Variants in RSPRY1 observed in about 807,000 individuals in gnomAD.
The protein encoded by RSPRY1 is RING finger and SPRY domain-containing protein 1.
In RSPRY1, 23 loss-of-function variants were observed where a neutral mutation model predicts 73.1. The ratio of observed to expected loss-of-function variants is 0.31; its 90% CI spans 0.23 to 0.45. RSPRY1 has a LOEUF of 0.45. Among genes scored for constraint, RSPRY1 ranks in the 20% least tolerant of loss-of-function variants. The pLI is 1.00. For synonymous variants in RSPRY1, 226 were observed against 251.4 expected (o/e 0.90, Z 0.95); for missense variants, 448 against 698.7 (o/e 0.64, Z 4.05).
chr16:57,215,699 G>C (rs1376898700), intron 6 of RSPRY1, among the ~76,000 whole-genome samples: 1 of 152,016 alleles, frequency 6.6e-6, no homozygotes, highest in South Asian at 2.1e-4. Context: ...AGTGATAAGT[G>C]GTTCTTTTTA....
chr16:57,186,221 C>G, upstream of RSPRY1: 1 of 971,964 alleles, frequency 1.0e-6, no homozygotes, highest in Non-Finnish European at 1.2e-6. Context: ...GATCACGTGA[C>G]ACGATTTTTG....
At position 57,227,380 on chromosome 16, in the gene RSPRY1, G is replaced by A. The variant is rs759791177; in HGVS notation, c.1200G>A (p.Ala400=). 20 of 1,613,986 alleles carry A rather than the reference G, an allele frequency of 1.2e-5. No individual in the cohort carries two copies. Among genetic ancestry groups the A allele is most frequent in the South Asian group, 9.9e-5 (9 of 91,080 alleles). Residue 400 remains alanine, a synonymous_variant, in exon 11 of 15, where the codon GCG becomes GCA. Coordinates refer to ENST00000394420, the MANE Select transcript of RSPRY1 (RefSeq NM_133368.3). ...TTGGGGATGATGAATACTCCTGTGC[G>A]TATGATGGCTGCCGGCAGCTGATTT... ...YGIGDDEYSC[A]YDGCRQLIWY...
intron 1 of RSPRY1, among the ~76,000 whole-genome samples, chr16:57,199,461 C>T (rs1239687391): frequency 6.6e-6 from 1 of 152,098 alleles, no homozygotes. Flanking sequence ...CATTGCACTC[C>T]AGCCTGGGTG....
chr16:57,228,014 A>G (rs1266716982), intron 11 of RSPRY1, among the ~76,000 whole-genome samples: 4 of 152,180 alleles, frequency 2.6e-5, no homozygotes. Flanking sequence ...ATTTTTAGGC[A>G]TGCTAAGAAA....
rs1213273546 is a variant in RSPRY1, at chr16:57,218,775, G to A, written c.901+1740G>A. 3.0e-5 allele frequency among the ~76,000 whole-genome samples: 3 copies of A among 99,090 alleles called. 1 individual carries two copies. Among genetic ancestry groups the A allele is most frequent in the Non-Finnish European group, 5.3e-5 (3 of 56,864 alleles). The allele number at this position is 99,090 out of a possible 152,430, so 65.0% of individuals were successfully genotyped here. On this transcript the variant is annotated intron_variant, in intron 8 of 14. Transcript: ENST00000394420. Reference sequence around the variant, plus strand: ...TTTTGAGACGGAGTCTCGCTCTGTCGCCCAGGCTGGAGTGCAGTGGCGGGA... The same window carrying A: ...TTTTGAGACGGAGTCTCGCTCTGTCACCCAGGCTGGAGTGCAGTGGCGGGA...
At chr16:57,222,142 T>A (rs2075047414) in intron 10 of RSPRY1, among the ~76,000 whole-genome samples, 1 of 152,228 alleles carries the variant, frequency 6.6e-6, no homozygotes, top group Non-Finnish European at 1.5e-5. Flanking sequence ...CTTGGATTAT[T>A]TTGTTAATCT....
At position 57,239,503 on chromosome 16, in the gene RSPRY1, CAG is replaced by C. The variant is rs2146413601; in HGVS notation, c.*532_*533del. On this transcript the variant is annotated 3_prime_UTR_variant, in exon 15 of 15. Transcript: ENST00000394420. Reference sequence around the variant, plus strand: ...CACACAGTCAGTACTACAAGCAAAACAGAGAACCTGAAAGAAGGTGCACAGAC... The same window carrying C: ...CACACAGTCAGTACTACAAGCAAAACAGAACCTGAAAGAAGGTGCACAGAC... 6.6e-6 allele frequency: 1 copy of C among 152,224 alleles called. No individual in the cohort carries two copies. Among genetic ancestry groups the C allele is most frequent in the East Asian group, 1.9e-4 (1 of 5,194 alleles). The allele number at this position is 152,224 out of a possible 1,614,324, so 9.4% of individuals were successfully genotyped here.
At chr16:57,231,028 G>T in intron 12 of RSPRY1, 139 bp from the exon 13 acceptor site, 1 of 814,566 alleles carries the variant, frequency 1.2e-6, no homozygotes, top group Non-Finnish European at 1.9e-6. Context: ...ACCTGTGTGG[G>T]TTATAAACAC....
At chr16:57,190,551 T>C (rs1259829590) in intron 1 of RSPRY1, among the ~76,000 whole-genome samples, 1 of 152,258 alleles carries the variant, frequency 6.6e-6, no homozygotes, top group South Asian at 2.1e-4. Flanking sequence ...TTCAAGCTTT[T>C]GGCATTTTCA....
chr16:57,208,842 G>GCTTAAC lies in RSPRY1; in HGVS notation c.404-229_404-224dup, dbSNP rs2074780589. Among the ~76,000 whole-genome samples the GCTTAAC allele has an allele frequency of 3.3e-5, 5 of 152,270 alleles. No individual in the cohort carries two copies. In the South Asian group the frequency reaches 1.0e-3, roughly 32 times the overall value. On this transcript the variant is annotated intron_variant, in intron 3 of 14. Coordinates refer to ENST00000394420, the MANE Select transcript of RSPRY1 (RefSeq NM_133368.3). ...TTTAATGTGAGAGCACAAGACCATA[G>GCTTAAC]CTTAACCTTTTTCCAAATAAAGGTA...
Position 57,231,117 on chromosome 16 carries a change from A to C in RSPRY1, c.1377-50A>C, listed in dbSNP as rs376539391. On this transcript the variant is annotated intron_variant, in intron 12 of 14. Coordinates refer to ENST00000394420, the MANE Select transcript of RSPRY1 (RefSeq NM_133368.3). The stretch of plus-strand genomic sequence containing the variant: ...GAAAACTGTTCTATCTATTAACTCT[A>C]TTTTGATTTTTATTAATTCTATTGG... 5.8e-6 allele frequency: 9 copies of C among 1,551,820 alleles called. No individual in the cohort carries two copies. The African/African-American group carries it at 1.2e-4, about 21-fold the overall frequency.
At chr16:57,235,268 T>A in intron 14 of RSPRY1, 40 bp downstream of exon 14, 1 of 1,405,144 alleles carries the variant, frequency 7.1e-7, no homozygotes, top group Non-Finnish European at 1.0e-6. Context: ...ATACTGTTCT[T>A]AAATTGCTAG....
chr16:57,216,017 C>A, intron 6 of RSPRY1, 90 bp from the exon 7 acceptor site: 1 of 955,954 alleles, frequency 1.0e-6, no homozygotes, highest in Non-Finnish European at 1.6e-6. Context: ...ACATCTAGCA[C>A]ATATTGGGCA....
At chr16:57,208,634 A>G (rs554615686) in intron 3 of RSPRY1, among the ~76,000 whole-genome samples, 3 of 152,088 alleles carry the variant, frequency 2.0e-5, no homozygotes, top group Non-Finnish European at 4.4e-5. Flanking sequence ...TCCTGGGCTC[A>G]AGGGATCCTC....
At chr16:57,209,015 C>A in intron 3 of RSPRY1, 60 bp from the exon 4 acceptor site, 1 of 1,119,378 alleles carries the variant, frequency 8.9e-7, no homozygotes, top group South Asian at 1.4e-5. Flanking sequence ...TCTCGTGTGA[C>A]ATATTTTCAC....
chr16:57,201,302 G>A (rs1198547613), intron 1 of RSPRY1, among the ~76,000 whole-genome samples: 4 of 149,976 alleles, frequency 2.7e-5, no homozygotes, highest in Non-Finnish European at 5.9e-5. Flanking sequence ...CCAGGCAGAG[G>A]GTCTCCTCAC....
chr16:57,202,044 G>A (rs2074626659), intron 1 of RSPRY1, among the ~76,000 whole-genome samples: 1 of 152,116 alleles, frequency 6.6e-6, no homozygotes, highest in Non-Finnish European at 1.5e-5. Flanking sequence ...CAGAGGGGCC[G>A]AGCAGGATAG....
At chr16:57,237,679 AT>A (rs202031312) in intron 14 of RSPRY1, among the ~76,000 whole-genome samples, 3 of 151,654 alleles carry the variant, frequency 2.0e-5, no homozygotes, top group Admixed American at 6.6e-5. Context: ...GTATCTCTTT[AT>A]TTTTTTATTT....
intron 14 of RSPRY1, among the ~76,000 whole-genome samples, chr16:57,237,772 C>T (rs769017186): frequency 4.0e-5 from 6 of 151,680 alleles, no homozygotes; most frequent in Non-Finnish European, 7.4e-5. Flanking sequence ...AGTGCAGTGG[C>T]GTGATCTCAG....
Sources: allele counts gnomAD v4.1 joint callset (sites outside exome capture counted in the v4.1 genomes callset), GRCh38; gene constraint gnomAD v4.1.1; transcripts MANE v1.5; gene names NCBI Gene and HGNC (gene_info 2026-07-23, HGNC 2026-07-21).